Variants in SUGCT observed in about 807,000 individuals in gnomAD.
SUGCT encodes succinyl-CoA:glutarate CoA-transferase.
Under a neutral mutation model 55.0 loss-of-function variants are expected in SUGCT, and 41 were observed. The ratio of observed to expected loss-of-function variants is 0.74; its 90% CI spans 0.58 to 0.97. The LOEUF is 0.97. Among genes scored for constraint, SUGCT ranks in the 50% least tolerant of loss-of-function variants. SUGCT has a pLI of 0.00. For missense variants in SUGCT, 568 were observed against 547.8 expected (o/e 1.04, Z -0.37); for synonymous variants, 187 against 200.4 (o/e 0.93, Z 0.56).
At chr7:40,592,694 A>G (rs1584078163) in intron 12 of SUGCT, among the ~76,000 whole-genome samples, 2 of 152,290 alleles carry the variant, frequency 1.3e-5, no homozygotes, top group East Asian at 3.9e-4. Flanking sequence ...ACCCTGAGCC[A>G]GGCAACATTT....
chr7:40,780,419 T>G (rs1253271285), intron 13 of SUGCT, among the ~76,000 whole-genome samples: 1 of 152,204 alleles, frequency 6.6e-6, no homozygotes, highest in Non-Finnish European at 1.5e-5. Flanking sequence ...GACCATGTTT[T>G]ATTTCAGTTT....
chr7:40,323,939 AG>A (rs1795877106), intron 9 of SUGCT, among the ~76,000 whole-genome samples: 1 of 151,982 alleles, frequency 6.6e-6, no homozygotes, highest in Admixed American at 6.6e-5. Flanking sequence ...TCCCCCTCTG[AG>A]ATGACTACCT....
rs75073210 is a variant in SUGCT at position 40,451,960 on chromosome 7, C to T, written c.888+2602C>T. Among the ~76,000 whole-genome samples the T allele has an allele frequency of 9.9e-3, 1,501 of 152,334 alleles. 15 individuals carry two copies. The highest frequency in any genetic ancestry group is 0.048 in the Middle Eastern group (14 of 294). On this transcript the variant is annotated intron_variant, in intron 10 of 13. Transcript: ENST00000335693. ...CTCAAAACTGTTCTTTCGTCAAGTA[C>T]ACTCCATCAGGAAAGATGGGACAAC...
intron 12 of SUGCT, among the ~76,000 whole-genome samples, chr7:40,729,456 G>A (rs62449363): frequency 4.9e-4 from 75 of 152,364 alleles, no homozygotes; most frequent in Middle Eastern, 3.4e-3. Context: ...TGCCATTTAA[G>A]TAGAGTCTTG....
chr7:40,993,680 C>G, the SUGCT span, among the ~76,000 whole-genome samples: 1 of 152,088 alleles, frequency 6.6e-6, no homozygotes, highest in East Asian at 1.9e-4. Flanking sequence ...GGCCAGAATC[C>G]AATCCCAGGG....
chr7:40,873,581 T>C, the SUGCT span, among the ~76,000 whole-genome samples: 1 of 152,242 alleles, frequency 6.6e-6, no homozygotes, highest in African/African-American at 2.4e-5. Flanking sequence ...TTCCTGCCCT[T>C]TCTTCCAAAT....
chr7:40,363,758 G>C (rs1436577258), intron 9 of SUGCT, among the ~76,000 whole-genome samples: 1 of 152,114 alleles, frequency 6.6e-6, no homozygotes, highest in African/African-American at 2.4e-5. Context: ...TGGAATAGGT[G>C]TGGTGTGGTG....
intron 12 of SUGCT, among the ~76,000 whole-genome samples, chr7:40,514,466 T>G (rs912402421): frequency 2.0e-5 from 3 of 151,988 alleles, no homozygotes; most frequent in African/African-American, 7.3e-5. Context: ...CCCAGCACTT[T>G]GAGAGGCCGA....
chr7:40,751,811 T>C (rs901697621), intron 13 of SUGCT, among the ~76,000 whole-genome samples: 6 of 152,160 alleles, frequency 3.9e-5, no homozygotes, highest in South Asian at 4.1e-4. Context: ...GTCAATATGA[T>C]TGTCAGCATG....
At chr7:40,739,085 G>C (rs1467854145) in intron 12 of SUGCT, among the ~76,000 whole-genome samples, 3 of 152,140 alleles carry the variant, frequency 2.0e-5, no homozygotes. Context: ...AATACAGAGA[G>C]ATCCCATGTA....
chr7:40,397,688 A>T (rs1785814742), intron 9 of SUGCT, among the ~76,000 whole-genome samples: 1 of 152,208 alleles, frequency 6.6e-6, no homozygotes, highest in Non-Finnish European at 1.5e-5. Context: ...TATGTTAAGT[A>T]GGTGAATGAA....
chr7:40,347,719 G>A (rs1182249818), intron 9 of SUGCT, among the ~76,000 whole-genome samples: 1 of 152,148 alleles, frequency 6.6e-6, no homozygotes, highest in Non-Finnish European at 1.5e-5. Context: ...TATAGCTGTT[G>A]ATCCCACTGT....
intron 13 of SUGCT, among the ~76,000 whole-genome samples, chr7:40,791,024 A>G (rs1790282708): frequency 6.6e-6 from 1 of 152,254 alleles, no homozygotes. Flanking sequence ...GAGCTAACAG[A>G]TGTCAAAAGA....
chr7:40,723,574 A>T (rs1346157182), intron 12 of SUGCT, among the ~76,000 whole-genome samples: 1 of 152,196 alleles, frequency 6.6e-6, no homozygotes, highest in East Asian at 1.9e-4. Context: ...AATGAGGTTT[A>T]CTTTGACTTA....
intron 9 of SUGCT, among the ~76,000 whole-genome samples, chr7:40,434,856 C>G (rs1470768175): frequency 6.6e-6 from 1 of 152,078 alleles, no homozygotes; most frequent in Non-Finnish European, 1.5e-5. Context: ...CAGATAGAGC[C>G]TTCCCCTATG....
chr7:40,422,119 A>G (rs140368015), intron 9 of SUGCT, among the ~76,000 whole-genome samples: 265 of 151,268 alleles, frequency 1.8e-3, no homozygotes, highest in African/African-American at 6.3e-3. Context: ...CGTGGAACAC[A>G]ATTAAGGTGG....
At chr7:40,981,696 A>G in the SUGCT span, among the ~76,000 whole-genome samples, 291 of 152,368 alleles carry the variant, frequency 1.9e-3, 2 homozygotes, top group African/African-American at 6.5e-3. Context: ...ATCCAATTTC[A>G]TGGCTCACAA....
chr7:40,595,349 C>T (rs893022807), intron 12 of SUGCT, among the ~76,000 whole-genome samples: 4 of 152,144 alleles, frequency 2.6e-5, no homozygotes, highest in African/African-American at 9.7e-5. Flanking sequence ...TATTGTGCTT[C>T]TTTAATTTTT....
Position 40,489,697 on chromosome 7 carries a change from A to G in SUGCT, c.987-6587A>G, listed in dbSNP as rs150078680. 5.0e-3 allele frequency among the ~76,000 whole-genome samples: 755 copies of G among 152,236 alleles called. 11 individuals carry two copies. The highest frequency in any genetic ancestry group is 0.017 in the African/African-American group (705 of 41,540). ...TCTGTCTCAAAAAACAAAACAAAAAACAAAAAACAAAAACAAACAACAGAA... is the reference window on the plus strand; with the variant it reads ...TCTGTCTCAAAAAACAAAACAAAAAGCAAAAAACAAAAACAAACAACAGAA... On this transcript the variant is annotated intron_variant, in intron 11 of 13. Transcript: ENST00000335693.
Sources: gnomAD v4.1 joint callset for allele counts (sites outside exome capture counted in the v4.1 genomes callset) on GRCh38, gnomAD v4.1.1 for gene constraint, MANE v1.5 for transcripts, NCBI Gene and HGNC (gene_info 2026-07-23, HGNC 2026-07-21) for gene names.